The following ZNG1B variants were observed in gnomAD, a reference collection of about 807,000 sequenced individuals.
The protein encoded by ZNG1B is zinc-regulated GTPase metalloprotein activator 1B.
the ZNG1B span, among the ~76,000 whole-genome samples, chr2:113,464,440 G>A: frequency 8.5e-6 from 1 of 117,648 alleles, no homozygotes; most frequent in East Asian, 3.8e-4. Context: ...ATTCATGATA[G>A]AGAATTGATG....
the ZNG1B span, among the ~76,000 whole-genome samples, chr2:113,491,969 T>TA: frequency 4.0e-5 from 5 of 123,934 alleles, 1 homozygote; most frequent in East Asian, 3.6e-4. Flanking sequence ...ATGGCCATAA[T>TA]AAAAAAATCA....
At chr2:113,477,275 G>A in the ZNG1B span, among the ~76,000 whole-genome samples, 54 of 152,206 alleles carry the variant, frequency 3.5e-4, no homozygotes, top group African/African-American at 1.4e-4. Context: ...GGAGTGACCC[G>A]ATCTTCCAGG....
chr2:113,494,601 T>G, the ZNG1B span: 12 of 938,672 alleles, frequency 1.3e-5, 3 homozygotes, highest in Non-Finnish European at 1.5e-5. Flanking sequence ...GATAATTCAT[T>G]TTTCATTTCT....
chr2:113,492,177 A>G, the ZNG1B span, among the ~76,000 whole-genome samples: 5 of 140,216 alleles, frequency 3.6e-5, no homozygotes, highest in African/African-American at 1.0e-4. Flanking sequence ...TACGAAAAAG[A>G]TACGTGCACA....
the ZNG1B span, among the ~76,000 whole-genome samples, chr2:113,462,153 A>G: frequency 6.6e-6 from 1 of 152,156 alleles, no homozygotes; most frequent in Admixed American, 6.5e-5. Context: ...AACTTAGTAA[A>G]TACTTTGCGA....
the ZNG1B span, chr2:113,466,093 C>T: frequency 1.1e-6 from 1 of 941,780 alleles, no homozygotes; most frequent in African/African-American, 2.0e-5. Context: ...TCCTCTACAA[C>T]CATACACCAA....
At chr2:113,472,369 T>C in the ZNG1B span, among the ~76,000 whole-genome samples, 17 of 152,040 alleles carry the variant, frequency 1.1e-4, no homozygotes, top group Non-Finnish European at 2.2e-4. Context: ...GAGTTCATTG[T>C]AGATTCTGGA....
chr2:113,472,055 C>T, the ZNG1B span, among the ~76,000 whole-genome samples: 1 of 148,576 alleles, frequency 6.7e-6, no homozygotes, highest in Non-Finnish European at 1.5e-5. Flanking sequence ...TGAGGAATCG[C>T]CACACTGACT....
At chr2:113,442,288 AT>A in the ZNG1B span, among the ~76,000 whole-genome samples, 1 of 152,160 alleles carries the variant, frequency 6.6e-6, no homozygotes, top group Non-Finnish European at 1.5e-5. Context: ...AGTCAAAAAA[AT>A]AGCTCTAGAC....
the ZNG1B span, chr2:113,456,938 A>G: frequency 2.3e-6 from 1 of 439,068 alleles, no homozygotes; most frequent in Non-Finnish European, 4.6e-6. Flanking sequence ...CATCACAAGT[A>G]AAGCTGAGAA....
At chr2:113,475,859 G>A in the ZNG1B span, among the ~76,000 whole-genome samples, 160 of 152,230 alleles carry the variant, frequency 1.1e-3, 1 homozygote, top group African/African-American at 3.5e-3. Flanking sequence ...CAAGAGATCC[G>A]CTGTTAGTCT....
At chr2:113,475,209 C>G in the ZNG1B span, among the ~76,000 whole-genome samples, 1 of 147,282 alleles carries the variant, frequency 6.8e-6, no homozygotes, top group African/African-American at 2.5e-5. Context: ...ATAGTTAGCT[C>G]TTCTTGTTGA....
chr2:113,476,190 T>C, the ZNG1B span, among the ~76,000 whole-genome samples: 1 of 152,220 alleles, frequency 6.6e-6, no homozygotes, highest in Non-Finnish European at 1.5e-5. Flanking sequence ...TGTTTGTTTC[T>C]TTTTATTCTT....
chr2:113,488,104 G>C, the ZNG1B span, among the ~76,000 whole-genome samples: 1 of 152,012 alleles, frequency 6.6e-6, no homozygotes, highest in Non-Finnish European at 1.5e-5. Flanking sequence ...AACCCTCAAA[G>C]AGTACATTTC....
chr2:113,453,013 A>G, the ZNG1B span: 9 of 1,452,874 alleles, frequency 6.2e-6, 1 homozygote, highest in South Asian at 6.6e-5. Context: ...TTCTATCACT[A>G]TAATTTCCAT....
At chr2:113,458,339 A>G in the ZNG1B span, among the ~76,000 whole-genome samples, 47 of 152,282 alleles carry the variant, frequency 3.1e-4, no homozygotes, top group Non-Finnish European at 6.5e-4. Context: ...GAGAAAATAA[A>G]TGTTAAGATG....
the ZNG1B span, among the ~76,000 whole-genome samples, chr2:113,476,165 A>G: frequency 1.4e-4 from 21 of 151,916 alleles, no homozygotes; most frequent in Non-Finnish European, 2.9e-4. Flanking sequence ...ATAGTCCCAT[A>G]TTTCTTGGAG....
the ZNG1B span, among the ~76,000 whole-genome samples, chr2:113,472,906 A>G: frequency 6.6e-6 from 1 of 150,774 alleles, no homozygotes; most frequent in Non-Finnish European, 1.5e-5. Context: ...GTATAGTTTG[A>G]AGTCAGGTAG....
At chr2:113,474,067 A>G in the ZNG1B span, among the ~76,000 whole-genome samples, 9 of 152,078 alleles carry the variant, frequency 5.9e-5, no homozygotes, top group Non-Finnish European at 1.3e-4. Context: ...GAATCGTACC[A>G]GTTCCTCCTT....
Sources: gnomAD v4.1 joint callset for allele counts (sites outside exome capture counted in the v4.1 genomes callset) on GRCh38, gnomAD v4.1.1 for gene constraint, MANE v1.5 for transcripts, NCBI Gene and HGNC (gene_info 2026-07-23, HGNC 2026-07-21) for gene names.